Variants in LHFPL3 observed in about 807,000 individuals in gnomAD.
LHFPL3 encodes the protein LHFPL tetraspan subfamily member 3 protein.
LHFPL3 carries 5 observed loss-of-function variants against 19.3 expected under a neutral mutation model. That is an observed-to-expected ratio of 0.26 (90% CI 0.14 to 0.54). LHFPL3 has a LOEUF of 0.54. LHFPL3 is among the 20% of genes least tolerant of loss of function. The pLI, the probability that LHFPL3 is intolerant of heterozygous loss-of-function variation, is 0.94. For synonymous variants in LHFPL3, 133 were observed against 126.2 expected, an observed-to-expected ratio of 1.05 and a Z score of -0.36; for missense variants, 249 against 307.4, an observed-to-expected ratio of 0.81 and a Z score of 1.42.
intron 2 of LHFPL3, among the ~76,000 whole-genome samples, chr7:104,841,795 A>G (rs1421932679): frequency 6.6e-6 from 1 of 152,128 alleles, no homozygotes; most frequent in Non-Finnish European, 1.5e-5. Context: ...TCAAAAAGAG[A>G]GTAGGGCATG....
intron 2 of LHFPL3, among the ~76,000 whole-genome samples, chr7:104,878,886 G>A (rs570105763): frequency 1.3e-5 from 2 of 152,172 alleles, no homozygotes; most frequent in African/African-American, 2.4e-5. Flanking sequence ...TATGGTTATG[G>A]TTTGATCTAT....
At chr7:104,742,235 A>C (rs924125429) in intron 2 of LHFPL3, among the ~76,000 whole-genome samples, 17 of 152,160 alleles carry the variant, frequency 1.1e-4, no homozygotes, top group African/African-American at 4.1e-4. Flanking sequence ...ACCATTCATA[A>C]AGAGGTCTGT....
At chr7:104,880,902 G>A (rs960920329) in intron 2 of LHFPL3, among the ~76,000 whole-genome samples, 15 of 152,132 alleles carry the variant, frequency 9.9e-5, no homozygotes, top group African/African-American at 3.1e-4. Context: ...CAGGCGCGGT[G>A]GCTCATGCCT....
chr7:104,693,134 G>A (rs77140273), intron 1 of LHFPL3, among the ~76,000 whole-genome samples: 1 of 152,154 alleles, frequency 6.6e-6, no homozygotes, highest in Non-Finnish European at 1.5e-5. Context: ...TTTGCATGGG[G>A]ACTGTAGCCC....
chr7:104,444,475 G>A (rs1792288932), intron 1 of LHFPL3, among the ~76,000 whole-genome samples: 1 of 152,138 alleles, frequency 6.6e-6, no homozygotes, highest in Non-Finnish European at 1.5e-5. Context: ...ATGTTTAAAG[G>A]AATTTAAAAA....
At chr7:104,439,859 A>T (rs527581487) in intron 1 of LHFPL3, among the ~76,000 whole-genome samples, 1 of 152,296 alleles carries the variant, frequency 6.6e-6, no homozygotes, top group South Asian at 2.1e-4. Context: ...AGACAAGAAA[A>T]AAAGGTAAAA....
chr7:104,408,124 A>G (rs971456093), intron 1 of LHFPL3, among the ~76,000 whole-genome samples: 47 of 152,266 alleles, frequency 3.1e-4, no homozygotes, highest in African/African-American at 1.1e-3. Context: ...CCAGATACAT[A>G]TGAGTGGGCT....
chr7:104,529,544 T>C (rs9649272), intron 1 of LHFPL3, among the ~76,000 whole-genome samples: 92,457 of 151,996 alleles, frequency 0.61, 28,424 homozygotes, highest in African/African-American at 0.68. Context: ...TGAAGCGCGA[T>C]GAGAACGTAT....
intron 1 of LHFPL3, among the ~76,000 whole-genome samples, chr7:104,690,732 G>A (rs1293276339): frequency 6.6e-6 from 1 of 152,188 alleles, no homozygotes; most frequent in Admixed American, 6.5e-5. Flanking sequence ...AATGCCTAAG[G>A]GCCTATTTGG....
At chr7:104,556,614 T>C (rs1013314896) in intron 1 of LHFPL3, among the ~76,000 whole-genome samples, 14 of 152,252 alleles carry the variant, frequency 9.2e-5, no homozygotes, top group Non-Finnish European at 1.8e-4. Context: ...GGGGAGGTGC[T>C]GCTGCAAAGG....
chr7:104,393,924 A>G (rs1266901568), intron 1 of LHFPL3, among the ~76,000 whole-genome samples: 4 of 152,182 alleles, frequency 2.6e-5, no homozygotes, highest in African/African-American at 2.4e-5. Flanking sequence ...AGATAAATTA[A>G]TGATTGCTAG....
chr7:104,823,869 G>T (rs1336381885), intron 2 of LHFPL3, among the ~76,000 whole-genome samples: 1 of 151,934 alleles, frequency 6.6e-6, no homozygotes, highest in Admixed American at 6.6e-5. Flanking sequence ...CCTGGGGCCA[G>T]GCATGGTGGT....
At chr7:104,592,605 G>A in intron 1 of LHFPL3, among the ~76,000 whole-genome samples, 1 of 152,096 alleles carries the variant, frequency 6.6e-6, no homozygotes, top group East Asian at 1.9e-4. Flanking sequence ...ACTCTGTGCT[G>A]GGAGAACCAC....
intron 1 of LHFPL3, among the ~76,000 whole-genome samples, chr7:104,548,309 AAG>A (rs773795689): frequency 1.1e-4 from 16 of 152,182 alleles, no homozygotes; most frequent in Admixed American, 2.6e-4. Flanking sequence ...AAATGAAAGT[AAG>A]AGAAAAAAAG....
At chr7:104,754,841 A>G (rs1308731590) in intron 2 of LHFPL3, among the ~76,000 whole-genome samples, 3 of 152,186 alleles carry the variant, frequency 2.0e-5, no homozygotes, top group Admixed American at 6.5e-5. Flanking sequence ...TGGCATCAGC[A>G]TAGTCTTCTC....
chr7:104,642,952 A>G (rs1014912948), intron 1 of LHFPL3, among the ~76,000 whole-genome samples: 11 of 152,220 alleles, frequency 7.2e-5, no homozygotes, highest in African/African-American at 2.4e-4. Flanking sequence ...AGTTTTCTCC[A>G]GTTTTACAAA....
intron 1 of LHFPL3, among the ~76,000 whole-genome samples, chr7:104,470,406 G>A (rs1792884313): frequency 6.6e-6 from 1 of 152,134 alleles, no homozygotes; most frequent in African/African-American, 2.4e-5. Context: ...CATTCATGTA[G>A]CATACTGTGT....
chr7:104,768,799 A>ACT (rs1439164578), intron 2 of LHFPL3: 1 of 152,196 alleles, frequency 6.6e-6, no homozygotes, highest in Non-Finnish European at 1.5e-5. Context: ...ATTCTGTTGC[A>ACT]CTCTTTAGTA....
intron 1 of LHFPL3, among the ~76,000 whole-genome samples, chr7:104,646,768 G>A (rs1352969457): frequency 2.0e-5 from 3 of 152,308 alleles, no homozygotes; most frequent in Admixed American, 1.3e-4. Context: ...TTAGAATACA[G>A]AAATGAAACT....
Sources: gnomAD v4.1 joint callset for allele counts (sites outside exome capture counted in the v4.1 genomes callset) on GRCh38, gnomAD v4.1.1 for gene constraint, MANE v1.5 for transcripts, NCBI Gene and HGNC (gene_info 2026-07-23, HGNC 2026-07-21) for gene names.